FCHO1: variants seen among roughly 807,000 people sequenced by gnomAD.
FCHO1 encodes the protein FCH and mu domain containing endocytic adaptor 1, also known as F-BAR domain only protein 1.
Under a neutral mutation model 114.4 loss-of-function variants are expected in FCHO1, and 45 were observed. The observed-to-expected ratio is 0.39, with a 90% confidence interval of 0.31 to 0.50. The LOEUF (loss-of-function observed/expected upper bound fraction) is 0.50. Among genes scored for constraint, FCHO1 ranks in the 20% least tolerant of loss-of-function variants. The pLI is 0.77. For synonymous variants in FCHO1, 480 were observed against 488.9 expected (o/e 0.98, Z 0.24); for missense variants, 1,042 against 1,209.6 (o/e 0.86, Z 2.06).
At chr19:17,764,348 C>G (rs1249926956) in intron 5 of FCHO1, 27 bp from the exon 6 acceptor site, 1 of 1,611,974 alleles carries the variant, frequency 6.2e-7, no homozygotes, top group East Asian at 2.2e-5. Context: ...GGCAGTTTCT[C>G]CATCTTTACC....
intron 4 of FCHO1, among the ~76,000 whole-genome samples, chr19:17,757,474 CTTGGGAG>C (rs957011319): frequency 2.6e-5 from 4 of 152,170 alleles, no homozygotes; most frequent in Non-Finnish European, 4.4e-5. Flanking sequence ...CAGCAAGACC[CTTGGGAG>C]TTGGGTGCTG....
chr19:17,785,258 C>G (rs1025025913), intron 26 of FCHO1, among the ~76,000 whole-genome samples: 1 of 152,176 alleles, frequency 6.6e-6, no homozygotes, highest in South Asian at 2.1e-4. Context: ...CTCGCTCTGT[C>G]GTGCAGGTTG....
At chr19:17,786,464 TG>T in intron 26 of FCHO1, 109 bp from the exon 27 acceptor site, 1 of 1,045,910 alleles carries the variant, frequency 9.6e-7, no homozygotes. Context: ...TGAGGTGAAG[TG>T]GGGGAGAAGG....
rs1310508192 is a variant in FCHO1 at position 17,776,010 on chromosome 19, C to G, written c.1031C>G (p.Ser344Cys). Residue 344 changes from serine to cysteine, a missense_variant, in exon 16 of 29, where the codon TCC (serine) becomes TGC (cysteine). Physicochemically the swap from Ser to Cys is moderately radical, Grantham distance 112 (BLOSUM62 -1). This residue lies in a region of FCHO1 where 450 missense variants were observed against 564.1 expected (regional missense o/e 0.80). Coordinates refer to ENST00000596536, the MANE Select transcript of FCHO1 (RefSeq NM_015122.3). This position sits in a 1 kb window ranked among gnomAD's most constrained non-coding sequence, Gnocchi z 4.4. ...ACGGCCGAGCCCTCCCGTTTCTCGT[C>G]CAGCGACTCCGACTTCGACGATGAA... ...NSTAEPSRFS[S>C]SDSDFDDEEP... 1 of 1,608,764 alleles carries G rather than the reference C, an allele frequency of 6.2e-7. No homozygotes were observed. The highest frequency in any genetic ancestry group is 1.7e-5 in the Admixed American group (1 of 59,982).
In FCHO1 at chr19:17,784,579, C is replaced by G. The variant is rs1359623811; in HGVS notation, c.2227-146C>G. ...CCCCTGCTGGAAACCTGGTGTAATA[C>G]AGCCTCTCATCCATCAAATCTCCCT... On this transcript the variant is annotated intron_variant, in intron 25 of 28. Transcript: ENST00000596536. The surrounding 1 kb of genome is among the most constrained non-coding windows in gnomAD (Gnocchi z 5.3). The G allele has an allele frequency of 1.2e-5, 10 of 800,314 alleles. No individual in the cohort carries two copies. The highest frequency in any genetic ancestry group is 2.1e-5 in the Non-Finnish European group (10 of 471,204). 49.6% of individuals were successfully genotyped at this position (800,314 alleles called of 1,614,324 possible). A position where few individuals can be genotyped will look rare whatever the true frequency, so the allele number is the denominator to read the frequency against.
At chr19:17,762,657 C>T in intron 4 of FCHO1, 105 bp from the exon 5 acceptor site, 1 of 845,966 alleles carries the variant, frequency 1.2e-6, no homozygotes. Flanking sequence ...GAACAAGTCC[C>T]TACAGCCAAG....
In FCHO1 at chr19:17,776,112, C is replaced by T; in HGVS notation, c.1133C>T (p.Ala378Val). Reference protein sequence around the residue: ...APACSPEAAAAQLRATAGSLI... With the variant: ...APACSPEAAAVQLRATAGSLI... ...GCCTGCAGCCCCGAGGCAGCAGCGG[C>T]ACAGCTCAGGGCCACCGCGGGCAGC... is the stretch of plus-strand genomic sequence containing the variant. The change falls in exon 16 of 29, where the codon GCA becomes GTA. Residue 378 changes from alanine to valine, a missense_variant. Coordinates refer to ENST00000596536, the MANE Select transcript of FCHO1 (RefSeq NM_015122.3). This position sits in a 1 kb window ranked among gnomAD's most constrained non-coding sequence, Gnocchi z 4.4. 6.2e-7 allele frequency: 1 copy of T among 1,613,012 alleles called. No homozygotes were observed. The highest frequency in any genetic ancestry group is 1.3e-5 in the African/African-American group (1 of 75,038).
intron 6 of FCHO1, 120 bp downstream of exon 6, chr19:17,764,569 G>C (rs925535129): frequency 1.4e-6 from 1 of 737,744 alleles, no homozygotes; most frequent in African/African-American, 1.8e-5. Context: ...GGGCTATTTG[G>C]ATAGAGGGAT....
At chr19:17,752,335 T>G (rs1314602343) in intron 1 of FCHO1, 2 of 152,220 alleles carry the variant, frequency 1.3e-5, no homozygotes, top group African/African-American at 2.4e-5. Flanking sequence ...CTTGGCTCAC[T>G]ACAACCTCCG....
At chr19:17,752,413 C>T (rs1046063038) in intron 1 of FCHO1, 1 of 152,056 alleles carries the variant, frequency 6.6e-6, no homozygotes, top group Non-Finnish European at 1.5e-5. Flanking sequence ...TGTGTGCCAC[C>T]ACGCCCTGCT....
At chr19:17,762,509 C>A (rs2086720279) in intron 4 of FCHO1, among the ~76,000 whole-genome samples, 1 of 152,080 alleles carries the variant, frequency 6.6e-6, no homozygotes, top group African/African-American at 2.4e-5. Context: ...GACAAAGACA[C>A]AGAACAAATG....
chr19:17,787,671 G>A lies in FCHO1; in HGVS notation c.2483-11G>A, dbSNP rs577389730. ...TGGTGCCAGGGCGCAGCTGACTGCA[G>A]GTCTCCCCAGGTTCTGGCCGCCTCT... On this transcript the variant is annotated splice_polypyrimidine_tract_variant and intron_variant, in intron 27 of 28. Coordinates refer to ENST00000596536, the MANE Select transcript of FCHO1 (RefSeq NM_015122.3). The A allele has an allele frequency of 4.3e-5, 67 of 1,548,644 alleles. No individual in the cohort carries two copies. The highest frequency in any genetic ancestry group is 7.1e-5 in the South Asian group (6 of 84,018).
chr19:17,749,219 C>T (rs1057441904), upstream of FCHO1, among the ~76,000 whole-genome samples: 3 of 152,134 alleles, frequency 2.0e-5, no homozygotes, highest in African/African-American at 7.2e-5. Context: ...TCCCTTGGAG[C>T]GCCCTCCCAG....
In FCHO1 at chr19:17,772,446, T is replaced by G. The variant is rs1408289669; in HGVS notation, c.595-11T>G. 6.2e-6 allele frequency: 10 copies of G among 1,612,370 alleles called. No homozygotes were observed. The Admixed American group carries it at 1.3e-4, about 22-fold the overall frequency. On this transcript the variant is annotated splice_polypyrimidine_tract_variant and intron_variant, in intron 9 of 28. Transcript: ENST00000596536. ...ACCTCCTTTCCACCTGCCTCTGCCCTCCTGCTTCAGCGCTTCCAAGCCATG... is the reference window on the plus strand; with the variant it reads ...ACCTCCTTTCCACCTGCCTCTGCCCGCCTGCTTCAGCGCTTCCAAGCCATG...
At position 17,772,457 on chromosome 19, in the gene FCHO1, C is replaced by G; in HGVS notation, c.595C>G (p.Arg199Gly). 1.9e-6 allele frequency: 3 copies of G among 1,613,606 alleles called. No individual in the cohort carries two copies. The East Asian group carries it at 6.7e-5, about 36-fold the overall frequency. The change falls in exon 10 of 29, where the codon CGC becomes GGC. Residue 199 changes from arginine to glycine, a missense_variant and splice_region_variant. This residue lies in a region of FCHO1 where 450 missense variants were observed against 564.1 expected (regional missense o/e 0.80). Transcript: ENST00000596536. Reference sequence around the variant, plus strand: ...ACCTGCCTCTGCCCTCCTGCTTCAGCGCTTCCAAGCCATGGAGGAGACACA... The same window carrying G: ...ACCTGCCTCTGCCCTCCTGCTTCAGGGCTTCCAAGCCATGGAGGAGACACA... ...FEQKMLDSAL[R>G]FQAMEETHLR... is the part of the protein sequence containing the mutation.
At chr19:17,766,915 C>T (rs1368150871) in intron 7 of FCHO1, 105 bp downstream of exon 7, 6 of 1,204,002 alleles carry the variant, frequency 5.0e-6, no homozygotes, top group African/African-American at 3.1e-5. Flanking sequence ...TGTCCGCCTC[C>T]GAGAATTCCG....
intron 7 of FCHO1, among the ~76,000 whole-genome samples, chr19:17,769,877 G>C (rs765559770): frequency 6.6e-6 from 1 of 151,730 alleles, no homozygotes; most frequent in Admixed American, 6.6e-5. Flanking sequence ...AATGAAAAAC[G>C]TACAGGCCGG....
chr19:17,770,756 G>A (rs774364972), intron 8 of FCHO1, 36 bp from the exon 9 acceptor site: 138 of 1,609,352 alleles, frequency 8.6e-5, no homozygotes, highest in Non-Finnish European at 1.1e-4. Context: ...CCTGAGTATC[G>A]CCCTCCCATC....
At chr19:17,750,236 T>G (rs1272206163), upstream of FCHO1, among the ~76,000 whole-genome samples, 1 of 152,140 alleles carries the variant, frequency 6.6e-6, no homozygotes, top group Non-Finnish European at 1.5e-5. Context: ...GTGCTGGTAC[T>G]GTACAGGCTG....
Sources: gnomAD v4.1 joint callset for allele counts (sites outside exome capture counted in the v4.1 genomes callset) on GRCh38, gnomAD v4.1.1 for gene constraint, gnomAD v4.1.1 regional missense constraint, Gnocchi (gnomAD v3.1) non-coding constraint, MANE v1.5 for transcripts, NCBI Gene and HGNC (gene_info 2026-07-23, HGNC 2026-07-21) for gene names.